WSB1: variants seen among roughly 807,000 people sequenced by gnomAD.
WSB1 encodes WD repeat and SOCS box-containing protein 1.
A neutral mutation model predicts 50.2 loss-of-function variants in WSB1; 23 were observed. The ratio of observed to expected loss-of-function variants is 0.46; its 90% confidence interval spans 0.33 to 0.65. The LOEUF (loss-of-function observed/expected upper bound fraction) is 0.65. Ranked by LOEUF, WSB1 falls within the 30% of genes least tolerant of loss-of-function variation. WSB1 has a pLI of 0.02. For missense variants in WSB1, 492 were observed against 522.3 expected (o/e 0.94, Z 0.56); for synonymous variants, 179 against 172.0 (o/e 1.04, Z -0.32).
intron 2 of WSB1, chr17:27,302,498 G>GTATATA (rs10558761): frequency 6.6e-6 from 1 of 150,772 alleles, no homozygotes; most frequent in African/African-American, 2.4e-5. Flanking sequence ...TCTAACAAGT[G>GTATATA]TATATATATA....
rs147190677 is a variant in WSB1 at position 27,310,324 on chromosome 17, A to C, written c.998+150A>C. 2.3e-3 allele frequency: 1,438 copies of C among 637,236 alleles called. 15 individuals are homozygous for C. Among genetic ancestry groups the C allele is most frequent in the Non-Finnish European group, 3.0e-3 (1,125 of 372,714 alleles). 39.5% of individuals were successfully genotyped at this position (637,236 alleles called of 1,614,324 possible). A position where few individuals can be genotyped will look rare whatever the true frequency, so the allele number is the denominator to read the frequency against. On this transcript the variant is annotated intron_variant, in intron 7 of 8. Transcript: ENST00000262394. The stretch of plus-strand genomic sequence containing the variant: ...TGTGTCTTAAAGAATATCGGCCTGA[A>C]CAATTATCTGTGTAAACTAAAGATA...
At chr17:27,308,117 T>A in intron 5 of WSB1, 1 of 1,066,602 alleles carries the variant, frequency 9.4e-7, no homozygotes, top group Non-Finnish European at 1.1e-6. Flanking sequence ...TTTTTGGAAT[T>A]CTTTCAGATT....
chr17:27,311,221 G>A (rs1378771630), intron 7 of WSB1, among the ~76,000 whole-genome samples: 1 of 152,228 alleles, frequency 6.6e-6, no homozygotes, highest in African/African-American at 2.4e-5. Flanking sequence ...GTGTAGGAAA[G>A]TAAGGAGAAA....
At position 27,311,954 on chromosome 17, in the gene WSB1, T is replaced by C. The variant is rs547366755; in HGVS notation, c.1107-256T>C. Among the ~76,000 whole-genome samples, 27 of 152,276 alleles carry C rather than the reference T, an allele frequency of 1.8e-4. No homozygotes were observed. In the South Asian group the frequency reaches 5.6e-3, roughly 32 times the overall value. The stretch of plus-strand genomic sequence containing the variant: ...TGAGCCACCACACCTGGCCCATTTT[T>C]CTCTTTTCTTTAAGGGCCAATTTAA... On this transcript the variant is annotated intron_variant, in intron 8 of 8. Coordinates refer to ENST00000262394, the MANE Select transcript of WSB1 (RefSeq NM_015626.10).
intron 1 of WSB1, 107 bp downstream of exon 1, chr17:27,294,542 T>G: frequency 6.7e-7 from 1 of 1,494,006 alleles, no homozygotes; most frequent in East Asian, 2.4e-5. Context: ...AGAGCTCCAG[T>G]GCGCCAGGGC....
intron 2 of WSB1, chr17:27,303,024 T>TTTTG (rs373384903): frequency 1.3e-4 from 25 of 192,834 alleles, no homozygotes; most frequent in African/African-American, 5.2e-4. Flanking sequence ...TACTGGGTTT[T>TTTTG]TTTGTTTGTT....
intron 5 of WSB1, chr17:27,307,427 G>A: frequency 5.1e-6 from 2 of 395,086 alleles, no homozygotes; most frequent in South Asian, 6.6e-5. Context: ...GCTTATTGAT[G>A]AACTCTTGTA....
At chr17:27,298,292 T>G (rs771070259) in intron 1 of WSB1, among the ~76,000 whole-genome samples, 27 of 152,290 alleles carry the variant, frequency 1.8e-4, no homozygotes, top group Middle Eastern at 3.4e-3. Flanking sequence ...TAGAGACTTT[T>G]AAGTTGAATT....
chr17:27,295,203 GAAC>G (rs1379157704), intron 1 of WSB1, among the ~76,000 whole-genome samples: 5 of 152,170 alleles, frequency 3.3e-5, no homozygotes, highest in Non-Finnish European at 7.4e-5. Flanking sequence ...AAAATAACTG[GAAC>G]AACGTTTGAC....
intron 1 of WSB1, among the ~76,000 whole-genome samples, chr17:27,300,258 G>A (rs977823720): frequency 6.6e-6 from 1 of 151,970 alleles, no homozygotes; most frequent in African/African-American, 2.4e-5. Context: ...TTAAAGCTTA[G>A]GTGTTGGAAA....
At chr17:27,309,708 G>C (rs1398819560) in intron 6 of WSB1, among the ~76,000 whole-genome samples, 1 of 151,814 alleles carries the variant, frequency 6.6e-6, no homozygotes, top group African/African-American at 2.4e-5. Flanking sequence ...TCAGCCTCCT[G>C]AGTAGCTGGG....
chr17:27,301,749 G>T, intron 1 of WSB1, 39 bp from the exon 2 acceptor site: 1 of 1,601,318 alleles, frequency 6.2e-7, no homozygotes, highest in Non-Finnish European at 8.5e-7. Context: ...TGTATTGTTG[G>T]TTATATATGA....
At chr17:27,305,189 A>G (rs1477948853) in intron 4 of WSB1, among the ~76,000 whole-genome samples, 2 of 152,198 alleles carry the variant, frequency 1.3e-5, no homozygotes, top group Non-Finnish European at 2.9e-5. Context: ...AATATGGATC[A>G]GGTTTGGGAT....
intron 5 of WSB1, chr17:27,308,382 T>C (rs778495187): frequency 1.2e-5 from 12 of 985,326 alleles, no homozygotes; most frequent in Non-Finnish European, 1.4e-5. Context: ...ATGAACTTAT[T>C]CTTAAATAAT....
rs970317638 is a variant in WSB1 at position 27,312,568 on chromosome 17, T to C, written c.*199T>C. ...GAAGTATTTCTGAACATATCAAATA[T>C]AAATTTTTTTAAAGATCTAACTGTG... On this transcript the variant is annotated 3_prime_UTR_variant, in exon 9 of 9. Coordinates refer to ENST00000262394, the MANE Select transcript of WSB1 (RefSeq NM_015626.10). 10 of 647,376 alleles carry C rather than the reference T, an allele frequency of 1.5e-5. No homozygotes were observed. The African/African-American group carries it at 1.9e-4, about 12-fold the overall frequency. The allele number at this position is 647,376 out of a possible 1,614,324, so 40.1% of individuals were successfully genotyped here.
chr17:27,295,408 C>T (rs1358303231), intron 1 of WSB1, among the ~76,000 whole-genome samples: 1 of 152,138 alleles, frequency 6.6e-6, no homozygotes, highest in African/African-American at 2.4e-5. Flanking sequence ...GTAGCCAAAA[C>T]GCGCACTATT....
In WSB1 at chr17:27,315,510, A is replaced by C. The variant is rs972770878; in HGVS notation, c.*3141A>C. 9.2e-5 allele frequency: 14 copies of C among 152,244 alleles called. No individual in the cohort carries two copies. Among genetic ancestry groups the C allele is most frequent in the African/African-American group, 2.7e-4 (11 of 41,460 alleles). 9.4% of individuals were successfully genotyped at this position (152,244 alleles called of 1,614,324 possible). A position where few individuals can be genotyped will look rare whatever the true frequency, so the allele number is the denominator to read the frequency against. ...ACTGCTCTTGGGTCGGCAAGACCAAAAAAGGTTGGACTGCACTGTAGCATG... is the reference window on the plus strand; with the variant it reads ...ACTGCTCTTGGGTCGGCAAGACCAACAAAGGTTGGACTGCACTGTAGCATG... On this transcript the variant is annotated 3_prime_UTR_variant, in exon 9 of 9. Coordinates refer to ENST00000262394, the MANE Select transcript of WSB1 (RefSeq NM_015626.10).
chr17:27,308,025 C>G, intron 5 of WSB1: 1 of 1,209,902 alleles, frequency 8.3e-7, no homozygotes, highest in East Asian at 3.4e-5. Flanking sequence ...ATTGATTTTC[C>G]AGTTTTATGG....
At chr17:27,295,386 G>A (rs2016912668) in intron 1 of WSB1, among the ~76,000 whole-genome samples, 1 of 152,178 alleles carries the variant, frequency 6.6e-6, no homozygotes, top group South Asian at 2.1e-4. Context: ...CTAGAGAAGG[G>A]AAGAGGCTGA....
Sources: allele counts gnomAD v4.1 joint callset (sites outside exome capture counted in the v4.1 genomes callset), GRCh38; gene constraint gnomAD v4.1.1; transcripts MANE v1.5; gene names NCBI Gene and HGNC (gene_info 2026-07-23, HGNC 2026-07-21).